Variants in USP32 observed in about 807,000 individuals in gnomAD.
USP32 encodes the protein ubiquitin carboxyl-terminal hydrolase 32.
USP32 carries 59 observed loss-of-function variants against 204.8 expected under a neutral mutation model. The ratio of observed to expected loss-of-function variants is 0.29; its 90% CI spans 0.23 to 0.36. The LOEUF is 0.36. USP32 is among the 10% of genes least tolerant of loss of function. The probability of loss-of-function intolerance (pLI) is 1.00; values close to 1 mark genes in which losing one functional copy is unlikely to be tolerated. For missense variants in USP32, 1,160 were observed against 1,946.4 expected, an observed-to-expected ratio of 0.60 and a Z score of 7.60; for synonymous variants, 517 against 678.4, an observed-to-expected ratio of 0.76 and a Z score of 3.70.
intron 24 of USP32, 110 bp from the exon 25 acceptor site, chr17:60,207,242 C>T (rs372022132): frequency 8.3e-6 from 12 of 1,442,116 alleles, no homozygotes; most frequent in Middle Eastern, 3.7e-4. Flanking sequence ...ATCCGTAAAA[C>T]CAACGAGATG....
chr17:60,415,223 C>T lies in USP32; in HGVS notation c.106+7023G>A, dbSNP rs542727465. On this transcript the variant is annotated intron_variant, in intron 1 of 3. Coordinates refer to the USP32 transcript ENST00000588898. Reference sequence around the variant, plus strand: ...TCCACTGGGGAGGGCTGGATGTAGGCTGCTGGCAGGGAAGACACAGGACTT... The same window carrying T: ...TCCACTGGGGAGGGCTGGATGTAGGTTGCTGGCAGGGAAGACACAGGACTT... Among the ~76,000 whole-genome samples, 59 of 152,260 alleles carry T rather than the reference C, an allele frequency of 3.9e-4. No homozygotes were observed. In the South Asian group the frequency reaches 0.012, roughly 31 times the overall value.
At chr17:60,370,718 C>T (rs1013648504) in intron 1 of USP32, among the ~76,000 whole-genome samples, 1 of 145,152 alleles carries the variant, frequency 6.9e-6, no homozygotes, top group African/African-American at 2.6e-5. Context: ...GTTGTGATCA[C>T]ACCACTATAC....
rs1378922120 is a variant in USP32 at position 60,202,483 on chromosome 17, A to T, written c.3249+2964T>A. ...CACACACACACACACACACACGCAG[A>T]CTTTGCATTTGTATTGGGATTGTGC... On this transcript the variant is annotated intron_variant, in intron 26 of 33. Coordinates refer to ENST00000300896, the MANE Select transcript of USP32 (RefSeq NM_032582.4). 2.0e-5 allele frequency among the ~76,000 whole-genome samples: 3 copies of T among 150,710 alleles called. No individual in the cohort carries two copies. The East Asian group carries it at 5.8e-4, about 29-fold the overall frequency.
In USP32 at chr17:60,238,465, C is replaced by T. The variant is rs151309518; in HGVS notation, c.1137-2225G>A. Reference sequence around the variant, plus strand: ...GGCGAATCGCTTGAGCCCAGGAGTTCAAGACCAGCCTGGGCAACATGGCAA... The same window carrying T: ...GGCGAATCGCTTGAGCCCAGGAGTTTAAGACCAGCCTGGGCAACATGGCAA... On this transcript the variant is annotated intron_variant, in intron 11 of 33. Transcript: ENST00000300896. Among the ~76,000 whole-genome samples, 1,106 of 151,926 alleles carry T rather than the reference C, an allele frequency of 7.3e-3. 16 individuals are homozygous for T. Among genetic ancestry groups the T allele is most frequent in the African/African-American group, 0.026 (1,062 of 41,434 alleles).
At chr17:60,253,677 A>T (rs1348181409) in intron 10 of USP32, among the ~76,000 whole-genome samples, 2 of 152,228 alleles carry the variant, frequency 1.3e-5, no homozygotes, top group East Asian at 3.9e-4. Context: ...GAGGCAGGAG[A>T]ATCGCTTGAA....
intron 12 of USP32, among the ~76,000 whole-genome samples, chr17:60,234,287 G>C (rs2085654312): frequency 6.6e-6 from 1 of 151,330 alleles, no homozygotes; most frequent in Non-Finnish European, 1.5e-5. Flanking sequence ...CTAATTTGTT[G>C]TATTTTCAGT....
In USP32 at chr17:60,192,425, C is replaced by A. The variant is rs535646426; in HGVS notation, c.3521+419G>T. Reference sequence around the variant, plus strand: ...CTCAAAAGCAAAACTTATCTATTGACCTCAAAAGGAAGTGAAAAATATTTT... The same window carrying A: ...CTCAAAAGCAAAACTTATCTATTGAACTCAAAAGGAAGTGAAAAATATTTT... On this transcript the variant is annotated intron_variant, in intron 28 of 33. Coordinates refer to ENST00000300896, the MANE Select transcript of USP32 (RefSeq NM_032582.4). Among the ~76,000 whole-genome samples the A allele has an allele frequency of 7.2e-5, 11 of 152,270 alleles. 1 individual carries two copies. In the East Asian group the frequency reaches 2.1e-3, roughly 29 times the overall value.
chr17:60,371,280 T>C (rs1316194075), intron 1 of USP32, among the ~76,000 whole-genome samples: 2 of 137,010 alleles, frequency 1.5e-5, no homozygotes. Flanking sequence ...AAAAAAAAAT[T>C]AAATGGCCGG....
chr17:60,340,860 GC>G (rs1396496381), intron 2 of USP32, among the ~76,000 whole-genome samples: 1 of 152,122 alleles, frequency 6.6e-6, no homozygotes, highest in Non-Finnish European at 1.5e-5. Flanking sequence ...TGTAAGGCAG[GC>G]CTGGTGGTGA....
At chr17:60,185,786 G>A (rs572149775) in intron 29 of USP32, 135 bp from the exon 30 acceptor site, 2 of 1,087,662 alleles carry the variant, frequency 1.8e-6, no homozygotes, top group Non-Finnish European at 2.5e-6. Context: ...AACTGGCTGG[G>A]TATGGTGGCT....
rs577727931 is a variant in USP32, at chr17:60,186,382, A to C, written c.3643-731T>G. Among the ~76,000 whole-genome samples, 5 of 152,374 alleles carry C rather than the reference A, an allele frequency of 3.3e-5. No individual in the cohort carries two copies. In the East Asian group the frequency reaches 9.6e-4, roughly 29 times the overall value. The stretch of plus-strand genomic sequence containing the variant: ...TACAGAGGCTAGGAGAAATAACATG[A>C]AACACAGAAACCAGAGCTGGATGAA... On this transcript the variant is annotated intron_variant, in intron 29 of 33. Transcript: ENST00000300896.
At chr17:60,415,076 T>G (rs1185081146) in intron 1 of USP32, among the ~76,000 whole-genome samples, 1 of 152,218 alleles carries the variant, frequency 6.6e-6, no homozygotes, top group African/African-American at 2.4e-5. Flanking sequence ...AATTTTTCGT[T>G]ATTTTCATGC....
chr17:60,373,698 G>A (rs568823766), intron 1 of USP32, among the ~76,000 whole-genome samples: 19 of 151,934 alleles, frequency 1.3e-4, no homozygotes, highest in Non-Finnish European at 1.0e-4. Context: ...TGATCCACCC[G>A]CCTCGTCCTC....
intron 10 of USP32, among the ~76,000 whole-genome samples, chr17:60,254,054 G>A (rs2086234603): frequency 1.3e-5 from 2 of 152,086 alleles, no homozygotes; most frequent in Admixed American, 6.5e-5. Flanking sequence ...GTTATTCTTT[G>A]TTTAAAATGG....
chr17:60,404,218 G>T (rs974005605), intron 1 of USP32, among the ~76,000 whole-genome samples: 2 of 152,106 alleles, frequency 1.3e-5, no homozygotes, highest in Admixed American at 6.6e-5. Context: ...AGAGAGAGGT[G>T]GGGGAGAGGG....
At chr17:60,294,593 C>A in intron 4 of USP32, 90 bp downstream of exon 4, 2 of 734,244 alleles carry the variant, frequency 2.7e-6, no homozygotes, top group South Asian at 2.5e-5. Flanking sequence ...TGCACATAAA[C>A]ATCTGTTTGT....
chr17:60,366,898 C>T (rs1234863995), intron 1 of USP32, among the ~76,000 whole-genome samples: 4 of 152,090 alleles, frequency 2.6e-5, no homozygotes. Flanking sequence ...TCTCGGCTCA[C>T]TGCAAGCTCC....
At chr17:60,330,516 CT>C (rs796733997) in intron 2 of USP32, among the ~76,000 whole-genome samples, 1 of 139,452 alleles carries the variant, frequency 7.2e-6, no homozygotes, top group African/African-American at 3.1e-5. Flanking sequence ...CTCTCTCTCT[CT>C]CCCCCCCTCC....
chr17:60,216,278 C>A (rs1598081263), intron 16 of USP32, among the ~76,000 whole-genome samples: 3 of 129,488 alleles, frequency 2.3e-5, no homozygotes, highest in South Asian at 2.3e-4. Flanking sequence ...TTATGGAAAT[C>A]AAAGAGAGGT....
Sources: allele counts gnomAD v4.1 joint callset (sites outside exome capture counted in the v4.1 genomes callset), GRCh38; gene constraint gnomAD v4.1.1; transcripts MANE v1.5; gene names NCBI Gene and HGNC (gene_info 2026-07-23, HGNC 2026-07-21).